IQCM: variants seen among roughly 807,000 people sequenced by gnomAD.
IQCM encodes IQ motif containing M, also known as IQ domain-containing protein M.
In IQCM, 45 loss-of-function variants were observed where a neutral mutation model predicts 57.6. The ratio of observed to expected loss-of-function variants is 0.78; its 90% CI spans 0.62 to 1.00. The LOEUF is 1.00. Ranked by LOEUF, IQCM falls within the 50% of genes least tolerant of loss-of-function variation. The probability of loss-of-function intolerance (pLI) is 0.00; values close to 1 mark genes in which losing one functional copy is unlikely to be tolerated. For synonymous variants in IQCM, 148 were observed against 158.9 expected (o/e 0.93, Z 0.51); for missense variants, 468 against 511.6 (o/e 0.91, Z 0.82).
At chr4:149,363,253 T>G (rs1253689250) in intron 13 of IQCM, among the ~76,000 whole-genome samples, 6 of 152,136 alleles carry the variant, frequency 3.9e-5, no homozygotes, top group Admixed American at 3.9e-4. Flanking sequence ...CAGGTGTCAG[T>G]GGCAACAGCA....
intron 7 of IQCM, among the ~76,000 whole-genome samples, chr4:149,664,794 G>T (rs573743553): frequency 3.9e-4 from 60 of 152,262 alleles, no homozygotes; most frequent in African/African-American, 1.2e-3. Context: ...CAAGTCAGGT[G>T]GCTGTGGGTT....
At chr4:149,762,139 G>A (rs1186624296) in intron 2 of IQCM, among the ~76,000 whole-genome samples, 1 of 151,536 alleles carries the variant, frequency 6.6e-6, no homozygotes, top group Non-Finnish European at 1.5e-5. Context: ...GACACAAGAG[G>A]TCATAATTTT....
At chr4:149,781,230 T>G (rs111953627) in intron 2 of IQCM, among the ~76,000 whole-genome samples, 2 of 152,342 alleles carry the variant, frequency 1.3e-5, no homozygotes, top group African/African-American at 4.8e-5. Context: ...ATTGTTTTGC[T>G]TTCTGTGGTT....
intron 13 of IQCM, among the ~76,000 whole-genome samples, chr4:149,411,001 C>A (rs1323698943): frequency 6.6e-6 from 1 of 152,022 alleles, no homozygotes; most frequent in Non-Finnish European, 1.5e-5. Context: ...AATTAATAAT[C>A]TTCTTGTGTT....
intron 2 of IQCM, among the ~76,000 whole-genome samples, chr4:149,763,294 G>A (rs1397111672): frequency 6.6e-6 from 1 of 151,988 alleles, no homozygotes; most frequent in African/African-American, 2.4e-5. Context: ...TGGAAAGATG[G>A]ACAAGCAGAT....
chr4:149,518,747 G>A (rs533321786), intron 12 of IQCM, among the ~76,000 whole-genome samples: 1 of 152,286 alleles, frequency 6.6e-6, no homozygotes, highest in African/African-American at 2.4e-5. Flanking sequence ...TATTGTAAAG[G>A]TGAAAAGAGA....
Position 149,619,106 on chromosome 4 carries a change from GGATAT to G in IQCM, c.681+2018_681+2022del, listed in dbSNP as rs1756067342. 9.9e-5 allele frequency among the ~76,000 whole-genome samples: 6 copies of G among 60,788 alleles called. No homozygotes were observed. The South Asian group carries it at 4.8e-3, about 48-fold the overall frequency. 39.9% of individuals were successfully genotyped at this position (60,788 alleles called of 152,430 possible). A position where few individuals can be genotyped will look rare whatever the true frequency, so the allele number is the denominator to read the frequency against. On this transcript the variant is annotated intron_variant, in intron 8 of 13. Coordinates refer to ENST00000636793, the MANE Select transcript of IQCM (RefSeq NM_001363507.2). ...GATGACTGGATTAAAAATGTGGGAT[GGATAT>G]ATATATATATATATATATATACACC... is the stretch of plus-strand genomic sequence containing the variant.
At chr4:149,360,998 G>T (rs1229678528) in intron 13 of IQCM, among the ~76,000 whole-genome samples, 1 of 152,190 alleles carries the variant, frequency 6.6e-6, no homozygotes, top group Non-Finnish European at 1.5e-5. Flanking sequence ...AATGCTGATA[G>T]TGATATGGAC....
intron 2 of IQCM, among the ~76,000 whole-genome samples, chr4:149,756,106 T>C (rs893735628): frequency 6.6e-6 from 1 of 152,230 alleles, no homozygotes; most frequent in Admixed American, 6.5e-5. Context: ...TAATTTATTA[T>C]AGCATCTAGC....
chr4:149,660,296 C>T (rs1371761956), intron 7 of IQCM, among the ~76,000 whole-genome samples: 1 of 152,116 alleles, frequency 6.6e-6, no homozygotes, highest in Non-Finnish European at 1.5e-5. Flanking sequence ...CACCTCACAC[C>T]AGTTAGAATG....
chr4:149,486,019 C>CAG (rs1333615498), intron 12 of IQCM, among the ~76,000 whole-genome samples: 1 of 16,734 alleles, frequency 6.0e-5, no homozygotes, highest in South Asian at 4.0e-3. Flanking sequence ...CAAACAGAGT[C>CAG]TCTCTCTCTC....
intron 13 of IQCM, among the ~76,000 whole-genome samples, chr4:149,368,807 T>C (rs10014024): frequency 0.54 from 36,805 of 68,496 alleles, 11,991 homozygotes; most frequent in Admixed American, 0.62. Context: ...TATATATACA[T>C]GTATATATAT....
At chr4:149,773,625 G>C (rs1204012728) in intron 2 of IQCM, among the ~76,000 whole-genome samples, 2 of 152,158 alleles carry the variant, frequency 1.3e-5, no homozygotes, top group African/African-American at 4.8e-5. Flanking sequence ...AGATAAAGCT[G>C]ATGTTCCATC....
intron 9 of IQCM, among the ~76,000 whole-genome samples, chr4:149,576,159 T>C (rs1293328501): frequency 1.3e-5 from 2 of 151,794 alleles, no homozygotes; most frequent in African/African-American, 4.8e-5. Context: ...CTTTCCAACT[T>C]TTCAGGTTTA....
At chr4:149,458,644 A>G (rs904540211) in intron 12 of IQCM, among the ~76,000 whole-genome samples, 6 of 152,012 alleles carry the variant, frequency 3.9e-5, no homozygotes, top group African/African-American at 1.4e-4. Context: ...AAGATTAAAA[A>G]GGAGAAATCC....
At chr4:149,796,811 A>G (rs2150040896) in intron 2 of IQCM, among the ~76,000 whole-genome samples, 1 of 152,284 alleles carries the variant, frequency 6.6e-6, no homozygotes, top group South Asian at 2.1e-4. Context: ...GTCCAAAACT[A>G]TCAAGGCAGC....
chr4:149,623,782 TGATA>T (rs1424033339), intron 7 of IQCM, among the ~76,000 whole-genome samples: 1 of 150,768 alleles, frequency 6.6e-6, no homozygotes, highest in Middle Eastern at 3.2e-3. Context: ...GGCTGTATAT[TGATA>T]GATGGAAAAG....
At chr4:149,471,402 C>A (rs1031727942) in intron 12 of IQCM, among the ~76,000 whole-genome samples, 1 of 152,036 alleles carries the variant, frequency 6.6e-6, no homozygotes, top group Non-Finnish European at 1.5e-5. Flanking sequence ...CAAACACCCA[C>A]CCAGGACTAA....
chr4:149,364,169 C>T (rs1311710753), intron 13 of IQCM, among the ~76,000 whole-genome samples: 1 of 152,134 alleles, frequency 6.6e-6, no homozygotes, highest in African/African-American at 2.4e-5. Flanking sequence ...AATGACCAGG[C>T]ACCCTTTCCC....
Sources: allele counts gnomAD v4.1 joint callset (sites outside exome capture counted in the v4.1 genomes callset), GRCh38; gene constraint gnomAD v4.1.1; transcripts MANE v1.5; gene names NCBI Gene and HGNC (gene_info 2026-07-23, HGNC 2026-07-21).